ATRNL1: variants seen among roughly 807,000 people sequenced by gnomAD.
The protein encoded by ATRNL1 is attractin-like protein 1.
ATRNL1 carries 95 observed loss-of-function variants against 182.7 expected under a neutral mutation model. The observed-to-expected ratio is 0.52, with a 90% CI of 0.44 to 0.62. ATRNL1 has a LOEUF of 0.62. ATRNL1 is among the 20% of genes least tolerant of loss of function. The probability of loss-of-function intolerance (pLI) is 0.00; values close to 1 mark genes in which losing one functional copy is unlikely to be tolerated. For missense variants in ATRNL1, 1,471 were observed against 1,679.5 expected, an observed-to-expected ratio of 0.88 and a Z score of 2.17; for synonymous variants, 576 against 568.3, an observed-to-expected ratio of 1.01 and a Z score of -0.19.
intron 27 of ATRNL1, among the ~76,000 whole-genome samples, chr10:115,780,817 CT>C (rs1394703838): frequency 6.6e-6 from 1 of 152,110 alleles, no homozygotes; most frequent in African/African-American, 2.4e-5. Context: ...ATGCTGTGGG[CT>C]TTGGGTAGAA....
chr10:115,416,610 A>G (rs566779365), intron 20 of ATRNL1, among the ~76,000 whole-genome samples: 8 of 152,280 alleles, frequency 5.3e-5, no homozygotes, highest in Admixed American at 1.3e-4. Flanking sequence ...AAAACTTAGA[A>G]TTGGGATGCC....
intron 26 of ATRNL1, among the ~76,000 whole-genome samples, chr10:115,601,032 T>A (rs1856567716): frequency 6.6e-6 from 1 of 151,928 alleles, no homozygotes; most frequent in African/African-American, 2.4e-5. Flanking sequence ...TCTGCTCTTT[T>A]TCTGCTTTTG....
intron 8 of ATRNL1, among the ~76,000 whole-genome samples, chr10:115,179,411 A>T (rs1290413992): frequency 6.6e-6 from 1 of 152,004 alleles, no homozygotes; most frequent in Non-Finnish European, 1.5e-5. Flanking sequence ...AGGTGTCCTC[A>T]TATAGCTATT....
At chr10:115,769,366 A>T (rs1948932244) in intron 27 of ATRNL1, among the ~76,000 whole-genome samples, 2 of 152,196 alleles carry the variant, frequency 1.3e-5, no homozygotes, top group Admixed American at 1.3e-4. Context: ...TACAGATACC[A>T]ACAACACTGT....
chr10:115,150,849 A>C (rs911046755), intron 5 of ATRNL1, among the ~76,000 whole-genome samples: 20 of 152,120 alleles, frequency 1.3e-4, no homozygotes, highest in Non-Finnish European at 2.6e-4. Context: ...CATTAGGTAT[A>C]TCTCCTAATG....
chr10:115,405,737 A>G (rs1844793720), intron 20 of ATRNL1, among the ~76,000 whole-genome samples: 1 of 151,884 alleles, frequency 6.6e-6, no homozygotes, highest in Non-Finnish European at 1.5e-5. Context: ...ATACGTGCAC[A>G]ACGTGCAGGT....
chr10:115,728,680 A>G (rs1452605341), intron 27 of ATRNL1, among the ~76,000 whole-genome samples: 1 of 152,188 alleles, frequency 6.6e-6, no homozygotes, highest in African/African-American at 2.4e-5. Flanking sequence ...TCAAAGGGTC[A>G]GTTTTTAGAG....
intron 15 of ATRNL1, among the ~76,000 whole-genome samples, chr10:115,294,493 T>A (rs1201146195): frequency 6.6e-6 from 1 of 152,232 alleles, no homozygotes; most frequent in Non-Finnish European, 1.5e-5. Flanking sequence ...ATGAATTGTT[T>A]TTCTTATTTT....
At chr10:115,490,925 C>G (rs1554976438) in intron 24 of ATRNL1, among the ~76,000 whole-genome samples, 1 of 152,070 alleles carries the variant, frequency 6.6e-6, no homozygotes, top group African/African-American at 2.4e-5. Flanking sequence ...AGTGGACATC[C>G]TTTTTGTTGA....
intron 26 of ATRNL1, among the ~76,000 whole-genome samples, chr10:115,590,148 A>T (rs782430703): frequency 1.3e-5 from 2 of 152,212 alleles, no homozygotes; most frequent in Admixed American, 6.5e-5. Flanking sequence ...TAATGATCAT[A>T]TACTGCCATA....
chr10:115,702,939 C>T (rs372913741), intron 26 of ATRNL1, among the ~76,000 whole-genome samples: 53 of 151,668 alleles, frequency 3.5e-4, no homozygotes, highest in African/African-American at 1.2e-3. Flanking sequence ...TCCTATGGAA[C>T]CAAAAAGAAA....
chr10:115,718,023 CT>C (rs1431529864), intron 26 of ATRNL1, among the ~76,000 whole-genome samples: 1 of 152,106 alleles, frequency 6.6e-6, no homozygotes, highest in Non-Finnish European at 1.5e-5. Context: ...TTCACTAGTC[CT>C]TTTTCTGCCA....
At chr10:115,894,736 T>C (rs916464291) in intron 28 of ATRNL1, among the ~76,000 whole-genome samples, 4 of 152,204 alleles carry the variant, frequency 2.6e-5, no homozygotes, top group Non-Finnish European at 4.4e-5. Context: ...ATCAGTTCTT[T>C]AAAAATCCAA....
intron 27 of ATRNL1, among the ~76,000 whole-genome samples, chr10:115,760,891 T>C (rs1382778871): frequency 6.6e-6 from 1 of 152,206 alleles, no homozygotes; most frequent in East Asian, 1.9e-4. Context: ...TGCACTCAAT[T>C]TGCTGTTATT....
chr10:115,736,746 T>C (rs1270597843), intron 27 of ATRNL1, among the ~76,000 whole-genome samples: 1 of 152,140 alleles, frequency 6.6e-6, no homozygotes, highest in Admixed American at 6.5e-5. Context: ...TGCAGGAATC[T>C]CAAACTCAGT....
At chr10:115,173,999 G>C (rs142356002) in intron 8 of ATRNL1, among the ~76,000 whole-genome samples, 3 of 150,674 alleles carry the variant, frequency 2.0e-5, no homozygotes, top group African/African-American at 7.3e-5. Flanking sequence ...CTCTTCTCAC[G>C]TTTAGGGCCC....
intron 28 of ATRNL1, among the ~76,000 whole-genome samples, chr10:115,939,206 T>C (rs932993882): frequency 2.6e-5 from 4 of 152,174 alleles, no homozygotes; most frequent in Non-Finnish European, 5.9e-5. Context: ...GACCACTGAG[T>C]CGTGCCCATT....
chr10:115,266,747 T>C, intron 11 of ATRNL1, 50 bp from the exon 12 acceptor site: 5 of 1,077,266 alleles, frequency 4.6e-6, no homozygotes, highest in Non-Finnish European at 6.8e-6. Context: ...AATCAGTAGA[T>C]AGGGACTTTT....
intron 21 of ATRNL1, among the ~76,000 whole-genome samples, chr10:115,458,990 T>C (rs1416624033): frequency 1.3e-5 from 2 of 152,150 alleles, no homozygotes; most frequent in Non-Finnish European, 2.9e-5. Context: ...ATTTATTAGT[T>C]CCCCAAATTA....
Sources: gnomAD v4.1 joint callset for allele counts (sites outside exome capture counted in the v4.1 genomes callset) on GRCh38, gnomAD v4.1.1 for gene constraint, MANE v1.5 for transcripts, NCBI Gene and HGNC (gene_info 2026-07-23, HGNC 2026-07-21) for gene names.